CAPRIN1: variants seen among roughly 807,000 people sequenced by gnomAD.
CAPRIN1 encodes the protein caprin-1.
In CAPRIN1, 29 loss-of-function variants were observed where a neutral mutation model predicts 100.9. The ratio of observed to expected loss-of-function variants is 0.29; its 90% CI spans 0.21 to 0.39. The LOEUF (loss-of-function observed/expected upper bound fraction) is 0.39, where lower values mean the gene tolerates loss of function less well. CAPRIN1 is among the 10% of genes least tolerant of loss of function. CAPRIN1 has a pLI of 1.00. For synonymous variants in CAPRIN1, 338 were observed against 307.5 expected, an observed-to-expected ratio of 1.10 and a Z score of -1.04; for missense variants, 795 against 876.7, an observed-to-expected ratio of 0.91 and a Z score of 1.18.
At chr11:34,069,164 T>C (rs1381759893) in intron 2 of CAPRIN1, among the ~76,000 whole-genome samples, 2 of 151,466 alleles carry the variant, frequency 1.3e-5, no homozygotes, top group Non-Finnish European at 2.9e-5. Flanking sequence ...TTTTTTTTTT[T>C]TTTTTAAGAT....
intron 6 of CAPRIN1, among the ~76,000 whole-genome samples, chr11:34,077,270 T>C (rs1420077310): frequency 6.6e-6 from 1 of 152,236 alleles, no homozygotes; most frequent in African/African-American, 2.4e-5. Context: ...TAACATTAGA[T>C]TGACTTTCCA....
At chr11:34,090,325 G>A (rs770494875) in intron 13 of CAPRIN1, 36 bp downstream of exon 13, 2 of 1,395,076 alleles carry the variant, frequency 1.4e-6, no homozygotes, top group South Asian at 2.3e-5. Context: ...CATTTGATGA[G>A]GCACTTACTC....
intron 16 of CAPRIN1, among the ~76,000 whole-genome samples, 192 bp downstream of exon 16, chr11:34,096,865 A>G (rs969558833): frequency 6.6e-6 from 1 of 152,120 alleles, no homozygotes; most frequent in Admixed American, 6.5e-5. Flanking sequence ...AGATCATGGA[A>G]TTTTTGTTCA....
chr11:34,085,766 T>A (rs1463580914), intron 9 of CAPRIN1, among the ~76,000 whole-genome samples: 1 of 152,086 alleles, frequency 6.6e-6, no homozygotes, highest in South Asian at 2.1e-4. Flanking sequence ...ATCCCGCCAC[T>A]GCTGTCCAGC....
At chr11:34,060,856 T>C (rs1028232060) in intron 2 of CAPRIN1, among the ~76,000 whole-genome samples, 1 of 152,242 alleles carries the variant, frequency 6.6e-6, no homozygotes, top group Non-Finnish European at 1.5e-5. Flanking sequence ...TACAGAATTA[T>C]GCTAAGGAAT....
rs1369356325 is a variant in CAPRIN1, at chr11:34,099,401, A to C, written c.*34A>C. ...ACAGGATTATGTTTAATCGCCAAAA[A>C]CACACTGGCCAGTGTACCATAATAT... On this transcript the variant is annotated 3_prime_UTR_variant, in exon 19 of 19. Coordinates refer to ENST00000341394, the MANE Select transcript of CAPRIN1 (RefSeq NM_005898.5). 2 of 1,525,466 alleles carry C rather than the reference A, an allele frequency of 1.3e-6. No homozygotes were observed. Among genetic ancestry groups the C allele is most frequent in the Admixed American group, 3.3e-5 (2 of 59,886 alleles). The allele number at this position is 1,525,466 out of a possible 1,614,324, so 94.5% of individuals were successfully genotyped here. A position where few individuals can be genotyped will look rare whatever the true frequency, so the allele number is the denominator to read the frequency against.
rs540237346 is a variant in CAPRIN1, at chr11:34,062,348, G to A, written c.217-9378G>A. 1.2e-4 allele frequency among the ~76,000 whole-genome samples: 18 copies of A among 152,214 alleles called. 1 individual carries two copies. The South Asian group carries it at 2.7e-3, about 23-fold the overall frequency. On this transcript the variant is annotated intron_variant, in intron 2 of 18. Coordinates refer to ENST00000341394, the MANE Select transcript of CAPRIN1 (RefSeq NM_005898.5). ...TGGAAAAACTGGTAAAGATTGGACC[G>A]GGCGCGGTGGCTCACGCCTGTAATC...
chr11:34,099,108 C>G (rs1343964046), intron 18 of CAPRIN1, 195 bp from the exon 19 acceptor site: 1 of 1,428,360 alleles, frequency 7.0e-7, no homozygotes, highest in Non-Finnish European at 9.1e-7. Context: ...CTTCTTTTAG[C>G]TAAGAGAACA....
chr11:34,052,374 T>C (rs1850337363), intron 1 of CAPRIN1, 47 bp from the exon 2 acceptor site: 3 of 1,503,638 alleles, frequency 2.0e-6, no homozygotes, highest in Non-Finnish European at 2.8e-6. Flanking sequence ...GACTGGCCGC[T>C]CTTGTCCTTC....
chr11:34,098,057 G>A (rs1477075004), intron 18 of CAPRIN1: 1 of 1,074,510 alleles, frequency 9.3e-7, no homozygotes, highest in Admixed American at 4.8e-5. Context: ...CCTGCTAAAT[G>A]TTTTTAGGAA....
intron 13 of CAPRIN1, 70 bp from the exon 14 acceptor site, chr11:34,090,459 A>G (rs1033709045): frequency 1.2e-5 from 18 of 1,518,396 alleles, no homozygotes; most frequent in African/African-American, 4.1e-5. Context: ...CCACTTTAGT[A>G]CATCTGTTCA....
intron 15 of CAPRIN1, among the ~76,000 whole-genome samples, chr11:34,093,028 T>A (rs1180631166): frequency 6.6e-6 from 1 of 150,866 alleles, no homozygotes; most frequent in Admixed American, 6.6e-5. Context: ...CTGGCTAATT[T>A]TTTTTTTTTT....
At chr11:34,093,112 T>TA (rs1851294256) in intron 15 of CAPRIN1, among the ~76,000 whole-genome samples, 1 of 151,906 alleles carries the variant, frequency 6.6e-6, no homozygotes, top group Non-Finnish European at 1.5e-5. Flanking sequence ...TGAGCGAACT[T>TA]ATTGTCTCTG....
Position 34,058,527 on chromosome 11 carries a change from A to C in CAPRIN1, c.216+5891A>C, listed in dbSNP as rs561210351. On this transcript the variant is annotated intron_variant, in intron 2 of 18. Transcript: ENST00000341394. ...ATGTTTAATTATGTAGAATCAAGTA[A>C]AGCCTTTTGCTTCAAATCCTTAGAG... is the stretch of plus-strand genomic sequence containing the variant. Among the ~76,000 whole-genome samples, 106 of 152,356 alleles carry C rather than the reference A, an allele frequency of 7.0e-4. 3 individuals are homozygous for C. The South Asian group carries it at 0.021, about 30-fold the overall frequency.
intron 15 of CAPRIN1, among the ~76,000 whole-genome samples, chr11:34,094,256 G>A (rs183343464): frequency 0.018 from 2,475 of 139,636 alleles, 68 homozygotes; most frequent in African/African-American, 0.063. Flanking sequence ...GGGTTCAAGC[G>A]ATTCTCCTGC....
In CAPRIN1 at chr11:34,086,302, T is replaced by C; in HGVS notation, c.1123-3T>C. On this transcript the variant is annotated splice_polypyrimidine_tract_variant and splice_region_variant and intron_variant, in intron 10 of 18. Transcript: ENST00000341394. ...CTTTATTCTATCCTAACTTAACCTG[T>C]AGGATTCAATGCTGGATTTTGAAAA... 1 of 1,611,776 alleles carries C rather than the reference T, an allele frequency of 6.2e-7. No individual in the cohort carries two copies. The highest frequency in any genetic ancestry group is 8.5e-7 in the Non-Finnish European group (1 of 1,178,118).
intron 4 of CAPRIN1, among the ~76,000 whole-genome samples, chr11:34,074,881 CAAAA>C (rs997722209): frequency 2.0e-5 from 3 of 152,042 alleles, no homozygotes; most frequent in East Asian, 1.9e-4. Context: ...AAAAAACAAA[CAAAA>C]AACACCTTCC....
intron 2 of CAPRIN1, among the ~76,000 whole-genome samples, chr11:34,058,765 A>T (rs1199789020): frequency 2.6e-5 from 4 of 152,248 alleles, no homozygotes; most frequent in African/African-American, 9.6e-5. Flanking sequence ...TAAAACTCTG[A>T]AGTTTTTCTT....
At chr11:34,096,369 A>G in intron 15 of CAPRIN1, 110 bp from the exon 16 acceptor site, 1 of 693,364 alleles carries the variant, frequency 1.4e-6, no homozygotes, top group Non-Finnish European at 2.4e-6. Context: ...AAATTTAAGG[A>G]TTAAACTTTA....
Sources: gnomAD v4.1 joint callset for allele counts (sites outside exome capture counted in the v4.1 genomes callset) on GRCh38, gnomAD v4.1.1 for gene constraint, MANE v1.5 for transcripts, NCBI Gene and HGNC (gene_info 2026-07-23, HGNC 2026-07-21) for gene names.